The following GDPD4 variants were observed in gnomAD, a reference collection of about 807,000 sequenced individuals.
GDPD4 encodes the protein glycerophosphodiester phosphodiesterase 6.
Under a neutral mutation model 67.8 loss-of-function variants are expected in GDPD4, and 60 were observed. The ratio of observed to expected loss-of-function variants is 0.88; its 90% confidence interval spans 0.72 to 1.10. GDPD4 has a LOEUF of 1.10. Ranked by LOEUF, GDPD4 falls within the 50% of genes least tolerant of loss-of-function variation. The probability of loss-of-function intolerance (pLI) is 0.00; values close to 1 mark genes in which losing one functional copy is unlikely to be tolerated. For synonymous variants in GDPD4, 212 were observed against 210.9 expected (o/e 1.00, Z -0.04); for missense variants, 623 against 613.9 (o/e 1.01, Z -0.16).
Position 77,253,656 on chromosome 11 carries a change from T to C in GDPD4, c.864+4730A>G, listed in dbSNP as rs529211182. ...GCAGTTGCTCAGCTCAGCCAAAACA[T>C]TGATTCTCCAAGGGTTGATGTGCCA... is the stretch of plus-strand genomic sequence containing the variant. On this transcript the variant is annotated intron_variant, in intron 11 of 16. Coordinates refer to ENST00000315938, the MANE Select transcript of GDPD4 (RefSeq NM_182833.3). 8.5e-5 allele frequency among the ~76,000 whole-genome samples: 13 copies of C among 152,200 alleles called. No individual in the cohort carries two copies. In the East Asian group the frequency reaches 1.2e-3, roughly 14 times the overall value.
intron 16 of GDPD4, among the ~76,000 whole-genome samples, chr11:77,224,663 CACAA>C (rs1201884520): frequency 6.6e-6 from 1 of 152,124 alleles, no homozygotes; most frequent in Non-Finnish European, 1.5e-5. Flanking sequence ...GGAAGAGGAC[CACAA>C]ACCTCAAATA....
intron 16 of GDPD4, among the ~76,000 whole-genome samples, chr11:77,222,697 C>A (rs1958251065): frequency 6.6e-6 from 1 of 152,106 alleles, no homozygotes; most frequent in Non-Finnish European, 1.5e-5. Context: ...GTGAATCTGA[C>A]AATTATGTGT....
At chr11:77,247,418 T>C (rs1958800392) in intron 11 of GDPD4, among the ~76,000 whole-genome samples, 1 of 152,168 alleles carries the variant, frequency 6.6e-6, no homozygotes, top group Admixed American at 6.5e-5. Flanking sequence ...ATTTAATCAA[T>C]ATAAGAGTTT....
chr11:77,239,998 A>C (rs983069764), intron 13 of GDPD4, among the ~76,000 whole-genome samples: 11 of 152,110 alleles, frequency 7.2e-5, no homozygotes, highest in Admixed American at 3.9e-4. Flanking sequence ...TTTAAAAAAA[A>C]CACAAATAAA....
In GDPD4 at chr11:77,276,196, C is replaced by T. The variant is rs1442627702; in HGVS notation, c.172G>A (p.Glu58Lys). The T allele has an allele frequency of 6.2e-7, 1 of 1,613,678 alleles. No individual in the cohort carries two copies. The highest frequency in any genetic ancestry group is 1.3e-5 in the African/African-American group (1 of 74,886). ...LLLLGFLLLW[E>K]RIELYLHLCH... Reference sequence around the variant, plus strand: ...AAGTGCAGGTATAGTTCAATCCTTTCCCAAAGCAACAAAAATCCAAGTAAC... The same window carrying T: ...AAGTGCAGGTATAGTTCAATCCTTTTCCAAAGCAACAAAAATCCAAGTAAC... Residue 58 changes from glutamate to lysine, a missense_variant, in exon 5 of 17, where the codon GAA (glutamate) becomes AAA (lysine). Physicochemically the swap from Glu to Lys is moderately conservative, Grantham distance 56. Coordinates refer to ENST00000315938, the MANE Select transcript of GDPD4 (RefSeq NM_182833.3).
At chr11:77,257,799 A>G (rs1959033807) in intron 11 of GDPD4, among the ~76,000 whole-genome samples, 1 of 152,168 alleles carries the variant, frequency 6.6e-6, no homozygotes, top group African/African-American at 2.4e-5. Flanking sequence ...TTATTAGTCT[A>G]TACATCTCCT....
chr11:77,268,620 G>C, intron 9 of GDPD4, 81 bp from the exon 10 acceptor site: 1 of 1,137,930 alleles, frequency 8.8e-7, no homozygotes. Context: ...GTAGAGCCCA[G>C]TAGGATTTTG....
intron 3 of GDPD4, among the ~76,000 whole-genome samples, chr11:77,282,988 A>G (rs963738035): frequency 1.3e-5 from 2 of 152,230 alleles, no homozygotes; most frequent in African/African-American, 4.8e-5. Flanking sequence ...AATAGTCTTC[A>G]AGTTAAAAAC....
chr11:77,269,733 T>C, intron 8 of GDPD4, 150 bp downstream of exon 8: 1 of 558,774 alleles, frequency 1.8e-6, no homozygotes, highest in Non-Finnish European at 3.2e-6. Context: ...ACACACACAT[T>C]CACATACAGA....
Position 77,245,335 on chromosome 11 carries a change from T to C in GDPD4, c.1032A>G (p.Thr344=), listed in dbSNP as rs774914693. 1 of 1,614,154 alleles carries C rather than the reference T, an allele frequency of 6.2e-7. No individual in the cohort carries two copies. The highest frequency in any genetic ancestry group is 2.2e-5 in the East Asian group (1 of 44,886). The part of the protein sequence containing the change: ...RPPPKHPLRH[T]FVRQVVSVIL... ...TCACGCTTACTACTTGGCGGACAAATGTGTGTCTGAGAGGATGTTTTGGTG... is the reference window on the plus strand; with the variant it reads ...TCACGCTTACTACTTGGCGGACAAACGTGTGTCTGAGAGGATGTTTTGGTG... Residue 344 remains threonine, a synonymous_variant, in exon 12 of 17, where the codon ACA becomes ACG. Transcript: ENST00000315938.
chr11:77,297,060 CAA>C (rs538534637), intron 1 of GDPD4, among the ~76,000 whole-genome samples: 1 of 116,592 alleles, frequency 8.6e-6, no homozygotes. Context: ...TCAAAAAAAA[CAA>C]AAAAAAAAAA....
At chr11:77,285,288 T>C (rs1165117160) in intron 2 of GDPD4, 101 bp from the exon 3 acceptor site, 1 of 630,296 alleles carries the variant, frequency 1.6e-6, no homozygotes, top group Non-Finnish European at 2.8e-6. Context: ...TGCACTGCCA[T>C]GCATTACCCT....
At position 77,216,615 on chromosome 11, in the gene GDPD4, TGGA is replaced by T. The variant is rs1262739932; in HGVS notation, c.*659_*661del. 2.7e-6 allele frequency: 1 copy of T among 365,750 alleles called. No individual in the cohort carries two copies. The highest frequency in any genetic ancestry group is 4.3e-5 in the Admixed American group (1 of 23,260). The allele number at this position is 365,750 out of a possible 1,614,324, so 22.7% of individuals were successfully genotyped here. A position where few individuals can be genotyped will look rare whatever the true frequency, so the allele number is the denominator to read the frequency against. ...GTCACTCCTTTAGCAGAAAATATTATGGAGGTGTTAGGATGAGATAAACCTGAC... is the reference window on the plus strand; with the variant it reads ...GTCACTCCTTTAGCAGAAAATATTATGGTGTTAGGATGAGATAAACCTGAC... On this transcript the variant is annotated 3_prime_UTR_variant, in exon 17 of 17. Transcript: ENST00000315938.
At chr11:77,227,818 T>C (rs761110988) in intron 16 of GDPD4, 46 bp downstream of exon 16, 2 of 1,234,600 alleles carry the variant, frequency 1.6e-6, no homozygotes, top group Non-Finnish European at 2.3e-6. Context: ...CTGGAAGCAA[T>C]GGGTAGGGAT....
At position 77,240,502 on chromosome 11, in the gene GDPD4, A is replaced by G. The variant is rs990076787; in HGVS notation, c.1241+3192T>C. Among the ~76,000 whole-genome samples, 3 of 152,358 alleles carry G rather than the reference A, an allele frequency of 2.0e-5. No homozygotes were observed. In the South Asian group the frequency reaches 6.2e-4, roughly 32 times the overall value. ...AAAATCAAATCAAAATGGATTAAAG[A>G]CTTAAATGTAAGACCTGAAACTAAA... On this transcript the variant is annotated intron_variant, in intron 13 of 16. Coordinates refer to ENST00000315938, the MANE Select transcript of GDPD4 (RefSeq NM_182833.3).
chr11:77,250,187 T>A (rs917211828), intron 11 of GDPD4, among the ~76,000 whole-genome samples: 25 of 152,198 alleles, frequency 1.6e-4, no homozygotes, highest in Admixed American at 1.2e-3. Context: ...ATGAATGAAC[T>A]CATCACTCAG....
chr11:77,247,396 A>G (rs991572315), intron 11 of GDPD4, among the ~76,000 whole-genome samples: 1 of 152,248 alleles, frequency 6.6e-6, no homozygotes, highest in Non-Finnish European at 1.5e-5. Context: ...CAAAATAGCA[A>G]AGATGGTAAA....
chr11:77,248,042 A>ACTC (rs1344084880), intron 11 of GDPD4, among the ~76,000 whole-genome samples: 3 of 116,822 alleles, frequency 2.6e-5, no homozygotes, highest in Non-Finnish European at 5.5e-5. Context: ...CAAGAGTGAA[A>ACTC]CTCCGTCTCA....
intron 15 of GDPD4, among the ~76,000 whole-genome samples, chr11:77,228,938 A>C (rs1368710863): frequency 2.6e-5 from 4 of 152,188 alleles, no homozygotes; most frequent in Non-Finnish European, 5.9e-5. Flanking sequence ...ACTAAGCTTT[A>C]GTGACAGTCC....
Sources: gnomAD v4.1 joint callset for allele counts (sites outside exome capture counted in the v4.1 genomes callset) on GRCh38, gnomAD v4.1.1 for gene constraint, MANE v1.5 for transcripts, NCBI Gene and HGNC (gene_info 2026-07-23, HGNC 2026-07-21) for gene names.